Variants in RALGAPB observed in about 807,000 individuals in gnomAD.
RALGAPB encodes Ral GTPase activating protein non-catalytic subunit beta.
In RALGAPB, 25 loss-of-function variants were observed where a neutral mutation model predicts 161.1. That is an observed-to-expected ratio of 0.16 (90% CI 0.11 to 0.22). The LOEUF (loss-of-function observed/expected upper bound fraction) is 0.22, where lower values mean the gene tolerates loss of function less well. RALGAPB is among the 10% of genes least tolerant of loss of function. RALGAPB has a pLI of 1.00. For missense variants in RALGAPB, 1,391 were observed against 1,815.2 expected (o/e 0.77, Z 4.25); for synonymous variants, 629 against 626.1 (o/e 1.00, Z -0.07).
chr20:38,535,280 C>G (rs1047005724), intron 16 of RALGAPB, 73 bp downstream of exon 16: 1 of 1,505,342 alleles, frequency 6.6e-7, no homozygotes, highest in South Asian at 1.2e-5. Flanking sequence ...TCTCTTAACC[C>G]CTTGTGTGGG....
intron 3 of RALGAPB, among the ~76,000 whole-genome samples, chr20:38,493,832 A>G (rs1444659557): frequency 2.0e-5 from 3 of 152,188 alleles, no homozygotes; most frequent in Non-Finnish European, 2.9e-5. Context: ...TCAGGTGTAA[A>G]CAGCATACCA....
rs1301598245 is a variant in RALGAPB, at chr20:38,558,542, G to A, written c.3531+89G>A. The A allele has an allele frequency of 2.5e-6, 3 of 1,221,972 alleles. No homozygotes were observed. In the African/African-American group the frequency reaches 4.7e-5, roughly 19 times the overall value. 75.7% of individuals were successfully genotyped at this position (1,221,972 alleles called of 1,614,324 possible). A position where few individuals can be genotyped will look rare whatever the true frequency, so the allele number is the denominator to read the frequency against. ...AAAATTGAGGCAAAATTAATATGGAGAGTTTATTTGGGCCAGAGTTGAGGA... is the reference window on the plus strand; with the variant it reads ...AAAATTGAGGCAAAATTAATATGGAAAGTTTATTTGGGCCAGAGTTGAGGA... On this transcript the variant is annotated intron_variant, in intron 23 of 29. Transcript: ENST00000262879.
At chr20:38,541,780 G>A (rs1331467191) in intron 18 of RALGAPB, among the ~76,000 whole-genome samples, 5 of 152,122 alleles carry the variant, frequency 3.3e-5, no homozygotes, top group South Asian at 2.1e-4. Flanking sequence ...AAAATGCTGG[G>A]GAGTTGAAAG....
chr20:38,563,058 C>T (rs943012865), intron 24 of RALGAPB, among the ~76,000 whole-genome samples: 4 of 152,184 alleles, frequency 2.6e-5, no homozygotes, highest in African/African-American at 9.7e-5. Context: ...GAGCAACTCC[C>T]TGTCTCTAAA....
At chr20:38,524,735 T>C (rs762684900) in intron 10 of RALGAPB, 43 bp from the exon 11 acceptor site, 5 of 1,458,580 alleles carry the variant, frequency 3.4e-6, no homozygotes, top group Non-Finnish European at 4.8e-6. Context: ...TATGAAAACT[T>C]TTGATCAGCA....
intron 18 of RALGAPB, among the ~76,000 whole-genome samples, chr20:38,542,334 G>A (rs1464873109): frequency 6.6e-6 from 1 of 152,150 alleles, no homozygotes; most frequent in Non-Finnish European, 1.5e-5. Context: ...TTGCTTGCTT[G>A]GGACATGCAC....
intron 16 of RALGAPB, among the ~76,000 whole-genome samples, chr20:38,535,631 C>T (rs1274334159): frequency 4.1e-5 from 6 of 146,240 alleles, no homozygotes; most frequent in Non-Finnish European, 4.5e-5. Context: ...CTTGCTCTGT[C>T]GCCCAGTCTG....
At chr20:38,503,609 G>C (rs1439062425) in intron 5 of RALGAPB, among the ~76,000 whole-genome samples, 3 of 152,218 alleles carry the variant, frequency 2.0e-5, no homozygotes, top group Non-Finnish European at 4.4e-5. Flanking sequence ...TCCTGGTATA[G>C]ATGCCATGAA....
intron 20 of RALGAPB, among the ~76,000 whole-genome samples, chr20:38,550,646 G>A (rs748564782): frequency 2.6e-5 from 4 of 152,182 alleles, no homozygotes; most frequent in Non-Finnish European, 4.4e-5. Flanking sequence ...CAATTAAGCC[G>A]TATTAAGATT....
chr20:38,575,858 T>G lies in RALGAPB; in HGVS notation c.*891T>G, dbSNP rs917373094. On this transcript the variant is annotated 3_prime_UTR_variant, in exon 30 of 30. Coordinates refer to ENST00000262879, the MANE Select transcript of RALGAPB (RefSeq NM_020336.4). ...TTGAAAATTATTTGGTTTCATCCAT[T>G]GTCTCTTATTTCAGGACCAAGCAGC... 6.6e-6 allele frequency: 1 copy of G among 152,654 alleles called. No homozygotes were observed. The highest frequency in any genetic ancestry group is 2.4e-5 in the African/African-American group (1 of 41,458). The allele number at this position is 152,654 out of a possible 1,614,324, so 9.5% of individuals were successfully genotyped here. A position where few individuals can be genotyped will look rare whatever the true frequency, so the allele number is the denominator to read the frequency against.
intron 5 of RALGAPB, 145 bp from the exon 6 acceptor site, chr20:38,508,932 G>GT: frequency 1.1e-6 from 1 of 913,056 alleles, no homozygotes; most frequent in Non-Finnish European, 1.6e-6. Context: ...CAGTTTGTCT[G>GT]TTTTATAAAT....
chr20:38,488,947 T>G (rs2085198542), intron 2 of RALGAPB, among the ~76,000 whole-genome samples: 1 of 152,218 alleles, frequency 6.6e-6, no homozygotes, highest in Non-Finnish European at 1.5e-5. Flanking sequence ...CCCAAAGATC[T>G]AGGCTTAGTC....
intron 22 of RALGAPB, among the ~76,000 whole-genome samples, chr20:38,557,584 T>C (rs1339360874): frequency 6.6e-6 from 1 of 152,252 alleles, no homozygotes; most frequent in African/African-American, 2.4e-5. Flanking sequence ...TTTTACCTTT[T>C]TCAGAATGTC....
At chr20:38,572,816 T>TA (rs1342498493) in intron 28 of RALGAPB, among the ~76,000 whole-genome samples, 2 of 152,204 alleles carry the variant, frequency 1.3e-5, no homozygotes, top group African/African-American at 4.8e-5. Flanking sequence ...ATAAAGTTAG[T>TA]AATACTTTCT....
At chr20:38,524,517 A>G (rs1364618336) in intron 10 of RALGAPB, among the ~76,000 whole-genome samples, 1 of 152,032 alleles carries the variant, frequency 6.6e-6, no homozygotes, top group African/African-American at 2.4e-5. Flanking sequence ...ATTAAGAAAG[A>G]TGATTTGGGT....
intron 24 of RALGAPB, among the ~76,000 whole-genome samples, chr20:38,562,905 A>G (rs189368190): frequency 2.6e-5 from 4 of 152,280 alleles, no homozygotes; most frequent in Non-Finnish European, 4.4e-5. Context: ...GCGAGACACC[A>G]TCTCTACAAA....
intron 6 of RALGAPB, among the ~76,000 whole-genome samples, chr20:38,514,619 A>T (rs1444680439): frequency 6.6e-6 from 1 of 152,192 alleles, no homozygotes; most frequent in African/African-American, 2.4e-5. Flanking sequence ...GTTGAATATG[A>T]TGGGGAGATA....
chr20:38,543,307 TTC>T (rs1379850669), intron 18 of RALGAPB, among the ~76,000 whole-genome samples: 1 of 152,358 alleles, frequency 6.6e-6, no homozygotes, highest in African/African-American at 2.4e-5. Flanking sequence ...TGATTTATCT[TTC>T]TGTCATTCCC....
chr20:38,479,868 A>G (rs2084916153), intron 1 of RALGAPB, among the ~76,000 whole-genome samples: 1 of 152,136 alleles, frequency 6.6e-6, no homozygotes. Flanking sequence ...TGGTAGCCAC[A>G]TTGGAGTTTG....
Sources: gnomAD v4.1 joint callset for allele counts (sites outside exome capture counted in the v4.1 genomes callset) on GRCh38, gnomAD v4.1.1 for gene constraint, MANE v1.5 for transcripts, NCBI Gene and HGNC (gene_info 2026-07-23, HGNC 2026-07-21) for gene names.